The following CPEB1 variants were observed in gnomAD, a reference collection of about 807,000 sequenced individuals.
CPEB1 encodes the protein cytoplasmic polyadenylation element binding protein 1.
In CPEB1, 7 loss-of-function variants were observed where a neutral mutation model predicts 65.8. The ratio of observed to expected loss-of-function variants is 0.11; its 90% CI spans 0.06 to 0.20. The LOEUF is 0.20. CPEB1 is among the 10% of genes least tolerant of loss of function. The pLI is 1.00. For missense variants in CPEB1, 551 were observed against 712.2 expected (o/e 0.77, Z 2.58); for synonymous variants, 262 against 260.0 (o/e 1.01, Z -0.08).
At chr15:82,586,380 AAAAG>A (rs1180605417) in intron 3 of CPEB1, among the ~76,000 whole-genome samples, 1 of 152,182 alleles carries the variant, frequency 6.6e-6, no homozygotes, top group Non-Finnish European at 1.5e-5. Flanking sequence ...GAAATACCCT[AAAAG>A]AAAGAATACT....
rs1004913047 is a variant in CPEB1 at position 82,543,229 on chromosome 15, A to G, written c.*1363T>C. The G allele has an allele frequency of 6.6e-6, 1 of 152,602 alleles. No individual in the cohort carries two copies. Among genetic ancestry groups the G allele is most frequent in the Non-Finnish European group, 1.5e-5 (1 of 68,040 alleles). The allele number at this position is 152,602 out of a possible 1,614,324, so 9.5% of individuals were successfully genotyped here. A position where few individuals can be genotyped will look rare whatever the true frequency, so the allele number is the denominator to read the frequency against. On this transcript the variant is annotated 3_prime_UTR_variant, in exon 13 of 13. Transcript: ENST00000684509. ...GCTGCAACGTGTTTATTATGTGCCAAAAAAACTACACCACAGCTTACTCCA... is the reference window on the plus strand; with the variant it reads ...GCTGCAACGTGTTTATTATGTGCCAGAAAAACTACACCACAGCTTACTCCA...
rs554985513 is a variant in CPEB1, at chr15:82,565,010, A to T, written c.460+6334T>A. ...AATAGGATCAGGGTGCCCCAGAATT[A>T]ACACGTGGGATGTCAGCATCTCCAT... On this transcript the variant is annotated intron_variant, in intron 4 of 12. Coordinates refer to ENST00000684509, the MANE Select transcript of CPEB1 (RefSeq NM_001365242.1). 9.8e-5 allele frequency among the ~76,000 whole-genome samples: 15 copies of T among 152,338 alleles called. No homozygotes were observed. In the South Asian group the frequency reaches 2.1e-3, roughly 21 times the overall value.
In CPEB1 at chr15:82,628,430, C is replaced by T. The variant is rs1190632335; in HGVS notation, c.30G>A (p.Ser10=). 6 of 702,878 alleles carry T rather than the reference C, an allele frequency of 8.5e-6. No individual in the cohort carries two copies. Among genetic ancestry groups the T allele is most frequent in the Admixed American group, 2.0e-5 (1 of 49,998 alleles). 43.5% of individuals were successfully genotyped at this position (702,878 alleles called of 1,614,324 possible). The part of the protein sequence containing the change: MFSGIATST[S]SSMSGTGLEH... ...CCAAACCAGTGCCAGACATGGAAGACGATGTTGAAGTAGCAATGCCAGAAA... is the reference window on the plus strand; with the variant it reads ...CCAAACCAGTGCCAGACATGGAAGATGATGTTGAAGTAGCAATGCCAGAAA... The change falls in exon 2 of 13, where the codon TCG becomes TCA. Residue 10 remains serine (S), a synonymous_variant. Transcript: ENST00000684509.
intron 1 of CPEB1, among the ~76,000 whole-genome samples, chr15:82,632,205 A>C (rs548778096): frequency 6.6e-6 from 1 of 151,900 alleles, no homozygotes; most frequent in South Asian, 2.1e-4. Context: ...GATGGTCTTG[A>C]TCTCCTGACC....
intron 3 of CPEB1, 88 bp from the exon 4 acceptor site, chr15:82,571,620 T>C: frequency 1.3e-6 from 2 of 1,497,106 alleles, no homozygotes. Context: ...TAATAATAGT[T>C]TCCCCAGGCT....
intron 4 of CPEB1, among the ~76,000 whole-genome samples, chr15:82,570,236 G>A (rs1301413416): frequency 3.3e-5 from 5 of 152,164 alleles, no homozygotes; most frequent in East Asian, 3.9e-4. Context: ...AAAGACCTGC[G>A]CCAAACAGGG....
intron 3 of CPEB1, among the ~76,000 whole-genome samples, chr15:82,590,282 C>CA (rs1434836165): frequency 5.0e-5 from 7 of 141,174 alleles, no homozygotes; most frequent in African/African-American, 1.8e-4. Flanking sequence ...CTCTGTAATT[C>CA]AAGAAAGTTA....
At chr15:82,590,569 A>C (rs190600613) in intron 3 of CPEB1, among the ~76,000 whole-genome samples, 3 of 152,266 alleles carry the variant, frequency 2.0e-5, no homozygotes, top group African/African-American at 7.2e-5. Flanking sequence ...AAACTCGTGA[A>C]TTTGTTGTAC....
intron 1 of CPEB1, chr15:82,640,875 CCAAGA>C (rs141322163): frequency 2.8e-4 from 41 of 149,020 alleles, no homozygotes; most frequent in African/African-American, 9.4e-4. Context: ...CCTGCAAGTA[CCAAGA>C]CAAGACAAGA....
intron 12 of CPEB1, among the ~76,000 whole-genome samples, chr15:82,545,823 C>T (rs1213025726): frequency 2.0e-5 from 3 of 152,174 alleles, no homozygotes; most frequent in East Asian, 1.9e-4. Flanking sequence ...CAGGGTTAGG[C>T]AGCTGAGCCT....
intron 3 of CPEB1, among the ~76,000 whole-genome samples, chr15:82,605,930 C>A (rs548160983): frequency 6.6e-6 from 1 of 151,874 alleles, no homozygotes; most frequent in Non-Finnish European, 1.5e-5. Flanking sequence ...CCCCGTTACC[C>A]GGGAGGCTGG....
At chr15:82,600,494 T>C (rs2043010357) in intron 3 of CPEB1, among the ~76,000 whole-genome samples, 2 of 151,664 alleles carry the variant, frequency 1.3e-5, no homozygotes, top group South Asian at 4.2e-4. Context: ...TAAGTCTAAG[T>C]AAACAATGAC....
At chr15:82,648,669 C>G (rs2047763853), upstream of CPEB1, 1 of 152,852 alleles carries the variant, frequency 6.5e-6, no homozygotes, top group South Asian at 2.1e-4. Flanking sequence ...CCGGAAACCC[C>G]AGGCAAACGC....
chr15:82,618,973 CTA>C (rs958192071), intron 3 of CPEB1, among the ~76,000 whole-genome samples: 6 of 152,046 alleles, frequency 3.9e-5, no homozygotes, highest in African/African-American at 1.4e-4. Context: ...TGAGCTGAAT[CTA>C]TAATTTATAT....
chr15:82,627,165 C>G, intron 3 of CPEB1, 28 bp downstream of exon 3: 1 of 1,594,820 alleles, frequency 6.3e-7, no homozygotes, highest in Admixed American at 1.7e-5. Flanking sequence ...AGATGCCTAC[C>G]ACGTTCAAGT....
chr15:82,628,222 T>A (rs949546132), intron 2 of CPEB1, 142 bp downstream of exon 2: 1 of 702,790 alleles, frequency 1.4e-6, no homozygotes, highest in Non-Finnish European at 2.6e-6. Context: ...AAAAACTGTT[T>A]CCAGATGTTG....
At chr15:82,647,784 G>A, upstream of CPEB1, 3 of 1,227,918 alleles carry the variant, frequency 2.4e-6, no homozygotes, top group Non-Finnish European at 3.1e-6. Context: ...CGCCGGACCC[G>A]GCTGCGCGCG....
At chr15:82,553,595 C>A in intron 7 of CPEB1, 39 bp from the exon 8 acceptor site, 1 of 1,423,240 alleles carries the variant, frequency 7.0e-7, no homozygotes, top group South Asian at 1.2e-5. Context: ...AGCTGAGGAA[C>A]CATCTTTCCC....
At chr15:82,585,641 C>T (rs1284729829) in intron 3 of CPEB1, among the ~76,000 whole-genome samples, 1 of 152,162 alleles carries the variant, frequency 6.6e-6, no homozygotes, top group South Asian at 2.1e-4. Flanking sequence ...TCATTCAAAA[C>T]CCGAGCCCTT....
Sources: gnomAD v4.1 joint callset for allele counts (sites outside exome capture counted in the v4.1 genomes callset) on GRCh38, gnomAD v4.1.1 for gene constraint, MANE v1.5 for transcripts, NCBI Gene and HGNC (gene_info 2026-07-23, HGNC 2026-07-21) for gene names.